ADGRB3: variants seen among roughly 807,000 people sequenced by gnomAD.
ADGRB3 encodes the protein brain-specific angiogenesis inhibitor 3.
Under a neutral mutation model 193.4 loss-of-function variants are expected in ADGRB3, and 37 were observed. That is an observed-to-expected ratio of 0.19 (90% CI 0.15 to 0.25). The LOEUF (loss-of-function observed/expected upper bound fraction) is 0.25. ADGRB3 is among the 10% of genes least tolerant of loss of function. ADGRB3 has a pLI of 1.00. For missense variants in ADGRB3, 1,637 were observed against 1,852.9 expected (o/e 0.88, Z 2.14); for synonymous variants, 690 against 644.2 (o/e 1.07, Z -1.08).
intron 17 of ADGRB3, among the ~76,000 whole-genome samples, chr6:69,122,950 A>T (rs1234125419): frequency 1.3e-5 from 2 of 151,492 alleles, no homozygotes; most frequent in African/African-American, 4.8e-5. Context: ...ATCTATATAG[A>T]TATATGTATG....
At chr6:69,074,490 C>T (rs1464348799) in intron 16 of ADGRB3, among the ~76,000 whole-genome samples, 2 of 150,344 alleles carry the variant, frequency 1.3e-5, no homozygotes, top group African/African-American at 4.9e-5. Flanking sequence ...CAATGAGGTA[C>T]GGTGTCCACC....
intron 3 of ADGRB3, among the ~76,000 whole-genome samples, chr6:68,684,989 C>G (rs966371447): frequency 6.6e-6 from 1 of 152,018 alleles, no homozygotes; most frequent in African/African-American, 2.4e-5. Flanking sequence ...GTACCATTTA[C>G]CTTCAGGGAA....
At chr6:69,290,606 T>C (rs1336548198) in intron 20 of ADGRB3, among the ~76,000 whole-genome samples, 1 of 152,224 alleles carries the variant, frequency 6.6e-6, no homozygotes, top group African/African-American at 2.4e-5. Flanking sequence ...GAATTCAGAA[T>C]GTGTGATTTT....
At chr6:68,864,092 T>C (rs1045288710) in intron 3 of ADGRB3, among the ~76,000 whole-genome samples, 5 of 152,334 alleles carry the variant, frequency 3.3e-5, no homozygotes, top group Admixed American at 3.3e-4. Context: ...TATACCATCT[T>C]ATCAAAATTA....
In ADGRB3 at chr6:68,737,394, T is replaced by C. The variant is rs145566917; in HGVS notation, c.757+97962T>C. Among the ~76,000 whole-genome samples the C allele has an allele frequency of 1.8e-3, 279 of 152,270 alleles. 1 individual carries two copies. The highest frequency in any genetic ancestry group is 3.4e-3 in the Middle Eastern group (1 of 292). On this transcript the variant is annotated intron_variant, in intron 3 of 31. Coordinates refer to ENST00000370598, the MANE Select transcript of ADGRB3 (RefSeq NM_001704.3). ...AGGGATGTGTATAATTTTTCAATGGTATTTTTGTCATTACTTGATGTAAAC... is the reference window on the plus strand; with the variant it reads ...AGGGATGTGTATAATTTTTCAATGGCATTTTTGTCATTACTTGATGTAAAC...
chr6:68,808,196 T>C (rs1767443507), intron 3 of ADGRB3, among the ~76,000 whole-genome samples: 1 of 152,208 alleles, frequency 6.6e-6, no homozygotes, highest in South Asian at 2.1e-4. Flanking sequence ...TAAATGTTCC[T>C]ACACAATAGA....
intron 17 of ADGRB3, among the ~76,000 whole-genome samples, chr6:69,211,671 A>G (rs1430477337): frequency 1.3e-5 from 2 of 152,110 alleles, no homozygotes; most frequent in African/African-American, 2.4e-5. Flanking sequence ...TTATATTATC[A>G]TCTTCTTCTC....
intron 23 of ADGRB3, chr6:69,332,246 TG>T (rs1303117117): frequency 1.0e-6 from 1 of 985,206 alleles, no homozygotes; most frequent in Non-Finnish European, 1.2e-6. Flanking sequence ...TCATGTATCA[TG>T]CAAAAGACCT....
chr6:68,933,573 A>G (rs771100774), intron 4 of ADGRB3, among the ~76,000 whole-genome samples: 7 of 152,246 alleles, frequency 4.6e-5, no homozygotes, highest in African/African-American at 1.4e-4. Context: ...AGCCTGGACT[A>G]TAGAGTGAGA....
At chr6:69,169,358 AT>A (rs894807463) in intron 17 of ADGRB3, among the ~76,000 whole-genome samples, 7 of 151,888 alleles carry the variant, frequency 4.6e-5, no homozygotes, top group African/African-American at 1.7e-4. Flanking sequence ...TTACTTACCT[AT>A]TTTTTTGGCC....
chr6:68,711,565 C>T (rs1765409410), intron 3 of ADGRB3, among the ~76,000 whole-genome samples: 1 of 152,054 alleles, frequency 6.6e-6, no homozygotes, highest in Admixed American at 6.6e-5. Context: ...CCTCTGCCAA[C>T]ATCCGTGTTT....
chr6:69,304,153 A>T, intron 20 of ADGRB3, among the ~76,000 whole-genome samples: 1 of 151,952 alleles, frequency 6.6e-6, no homozygotes, highest in Non-Finnish European at 1.5e-5. Flanking sequence ...CAAAATTTTT[A>T]TCACTCTTGG....
intron 17 of ADGRB3, among the ~76,000 whole-genome samples, chr6:69,159,629 CTAA>C (rs1458304586): frequency 1.3e-5 from 2 of 152,048 alleles, no homozygotes; most frequent in Admixed American, 1.3e-4. Flanking sequence ...TGAGAAAGCT[CTAA>C]TGATTATATA....
intron 17 of ADGRB3, among the ~76,000 whole-genome samples, chr6:69,137,166 C>T (rs561761461): frequency 3.4e-5 from 5 of 147,960 alleles, no homozygotes; most frequent in African/African-American, 7.5e-5. Flanking sequence ...TGAGTTTCAA[C>T]GTGGAATCTT....
At chr6:68,979,088 T>A (rs1249439728) in intron 10 of ADGRB3, among the ~76,000 whole-genome samples, 1 of 151,126 alleles carries the variant, frequency 6.6e-6, no homozygotes, top group Non-Finnish European at 1.5e-5. Context: ...AAATCACTAA[T>A]CTGTCATGTT....
At chr6:69,160,156 A>G (rs1415921019) in intron 17 of ADGRB3, among the ~76,000 whole-genome samples, 1 of 152,138 alleles carries the variant, frequency 6.6e-6, no homozygotes, top group Non-Finnish European at 1.5e-5. Context: ...ATTATTCATA[A>G]CATATCAACC....
intron 10 of ADGRB3, among the ~76,000 whole-genome samples, chr6:68,986,798 A>G (rs975174905): frequency 6.6e-6 from 1 of 152,208 alleles, no homozygotes; most frequent in Non-Finnish European, 1.5e-5. Flanking sequence ...AAAATAATAT[A>G]TAAATATGTG....
At chr6:68,799,381 A>G (rs1027676163) in intron 3 of ADGRB3, among the ~76,000 whole-genome samples, 1 of 152,222 alleles carries the variant, frequency 6.6e-6, no homozygotes, top group African/African-American at 2.4e-5. Flanking sequence ...ATAGCAGGGA[A>G]TAAAGAAGAC....
intron 3 of ADGRB3, among the ~76,000 whole-genome samples, chr6:68,801,376 T>C (rs1582212940): frequency 6.6e-6 from 1 of 152,154 alleles, no homozygotes; most frequent in Non-Finnish European, 1.5e-5. Context: ...CATTTTTTAG[T>C]TCCCCAACAC....
Sources: allele counts gnomAD v4.1 joint callset (sites outside exome capture counted in the v4.1 genomes callset), GRCh38; gene constraint gnomAD v4.1.1; transcripts MANE v1.5; gene names NCBI Gene and HGNC (gene_info 2026-07-23, HGNC 2026-07-21).